Variants in FOXP1 observed in about 807,000 individuals in gnomAD.
FOXP1 encodes forkhead box protein P1.
FOXP1 carries 15 observed loss-of-function variants against 98.2 expected under a neutral mutation model. The ratio of observed to expected loss-of-function variants is 0.15; its 90% CI spans 0.10 to 0.24. The LOEUF (loss-of-function observed/expected upper bound fraction) is 0.24. Ranked by LOEUF, FOXP1 falls within the 10% of genes least tolerant of loss-of-function variation. FOXP1 has a pLI of 1.00. For missense variants in FOXP1, 633 were observed against 848.5 expected (o/e 0.75, Z 3.15); for synonymous variants, 371 against 314.5 (o/e 1.18, Z -1.90).
chr3:70,971,976 A>AG (rs947683716), intron 18 of FOXP1: 2 of 1,340,632 alleles, frequency 1.5e-6, no homozygotes, highest in African/African-American at 3.0e-5. Context: ...AAGCAACAGC[A>AG]GAAAAAAAAA....
In FOXP1 at chr3:71,263,332, G is replaced by C. The variant is rs149556161; in HGVS notation, c.-12+36488C>G. ...GCCTGTGCAACACCACGAAAGCCAG[G>C]AATACCAGTGGCTGCTGAAAGAATA... is the stretch of plus-strand genomic sequence containing the variant. On this transcript the variant is annotated intron_variant, in intron 5 of 20. Transcript: ENST00000649528. Among the ~76,000 whole-genome samples the C allele has an allele frequency of 6.6e-3, 1,001 of 152,298 alleles. 14 individuals are homozygous for C. Among genetic ancestry groups the C allele is most frequent in the African/African-American group, 0.022 (927 of 41,556 alleles).
At chr3:71,121,637 T>C (rs1334216866) in intron 6 of FOXP1, among the ~76,000 whole-genome samples, 2 of 152,186 alleles carry the variant, frequency 1.3e-5, no homozygotes, top group Non-Finnish European at 2.9e-5. Context: ...AGGGATTCCA[T>C]TCAAGCAGTG....
At chr3:71,009,018 T>C (rs2043164178) in intron 12 of FOXP1, among the ~76,000 whole-genome samples, 1 of 151,884 alleles carries the variant, frequency 6.6e-6, no homozygotes, top group Non-Finnish European at 1.5e-5. Flanking sequence ...CTTATTAATC[T>C]GGAGCTGCAG....
intron 3 of FOXP1, among the ~76,000 whole-genome samples, chr3:71,420,550 C>T (rs572869233): frequency 2.7e-4 from 41 of 152,232 alleles, no homozygotes; most frequent in African/African-American, 8.4e-4. Context: ...TACAGATACA[C>T]GCACCTATAA....
At chr3:71,471,849 G>A (rs148673507) in intron 3 of FOXP1, among the ~76,000 whole-genome samples, 1 of 152,238 alleles carries the variant, frequency 6.6e-6, no homozygotes, top group African/African-American at 2.4e-5. Flanking sequence ...ATGTTCTGAT[G>A]ATTCAAAGTG....
intron 5 of FOXP1, among the ~76,000 whole-genome samples, chr3:71,278,095 C>T (rs1390776141): frequency 1.3e-5 from 2 of 152,122 alleles, no homozygotes; most frequent in Non-Finnish European, 2.9e-5. Context: ...GAATGGCTGG[C>T]CCCCTCTCTG....
chr3:71,408,775 C>T (rs940251878), intron 3 of FOXP1, among the ~76,000 whole-genome samples: 19 of 152,180 alleles, frequency 1.2e-4, no homozygotes, highest in African/African-American at 4.6e-4. Context: ...AACCATTCCA[C>T]AGTGCAGCAT....
At chr3:71,578,477 C>T (rs757427107) in intron 2 of FOXP1, among the ~76,000 whole-genome samples, 19 of 152,160 alleles carry the variant, frequency 1.2e-4, no homozygotes, top group Non-Finnish European at 2.6e-4. Flanking sequence ...TACTGTAACA[C>T]CTAACCTTGT....
At chr3:71,143,017 G>A (rs1324133850) in intron 6 of FOXP1, among the ~76,000 whole-genome samples, 2 of 152,122 alleles carry the variant, frequency 1.3e-5, no homozygotes, top group African/African-American at 2.4e-5. Context: ...CACAAGGAAC[G>A]ACATGGTGAC....
intron 9 of FOXP1, among the ~76,000 whole-genome samples, chr3:71,049,233 G>C (rs544321257): frequency 6.6e-6 from 1 of 152,136 alleles, no homozygotes; most frequent in African/African-American, 2.4e-5. Context: ...TCCTTTCTTC[G>C]GCTACTCCCT....
intron 12 of FOXP1, among the ~76,000 whole-genome samples, chr3:71,010,842 C>CA (rs1160623380): frequency 4.0e-5 from 6 of 149,072 alleles, no homozygotes; most frequent in Non-Finnish European, 7.4e-5. Flanking sequence ...CCTCCCCCCC[C>CA]ACCCAGTGAG....
rs568454147 is a variant in FOXP1 at position 71,061,822 on chromosome 3, C to A, written c.283-8049G>T. Among the ~76,000 whole-genome samples, 4 of 152,276 alleles carry A rather than the reference C, an allele frequency of 2.6e-5. No homozygotes were observed. In the South Asian group the frequency reaches 8.3e-4, roughly 32 times the overall value. On this transcript the variant is annotated intron_variant, in intron 7 of 20. Coordinates refer to ENST00000649528, the MANE Select transcript of FOXP1 (RefSeq NM_001349338.3). ...TAATAAAATAAATTCCTCCAACCTT[C>A]GTTTTTGCCAATTCAAATTTTACTC...
intron 7 of FOXP1, among the ~76,000 whole-genome samples, chr3:71,076,693 C>T (rs895142215): frequency 6.6e-6 from 1 of 152,168 alleles, no homozygotes; most frequent in Non-Finnish European, 1.5e-5. Flanking sequence ...TTTCCTATCT[C>T]AAAAATTTAC....
intron 3 of FOXP1, among the ~76,000 whole-genome samples, chr3:71,409,026 A>G (rs181538560): frequency 1.4e-4 from 22 of 152,308 alleles, no homozygotes; most frequent in Admixed American, 7.2e-4. Flanking sequence ...TCCAATCAGG[A>G]AGGAATATGA....
intron 6 of FOXP1, among the ~76,000 whole-genome samples, chr3:71,118,116 G>A (rs1430588440): frequency 1.3e-5 from 2 of 152,076 alleles, no homozygotes; most frequent in African/African-American, 4.8e-5. Flanking sequence ...CATGGTCCAC[G>A]GCCAGCTCTC....
rs1244233840 is a variant in FOXP1, at chr3:70,956,005, TAAATA to T, written c.*3237_*3241del. The T allele has an allele frequency of 4.3e-6, 1 of 233,144 alleles. No individual in the cohort carries two copies. The highest frequency in any genetic ancestry group is 2.2e-5 in the African/African-American group (1 of 45,344). 14.4% of individuals were successfully genotyped at this position (233,144 alleles called of 1,614,324 possible). ...CCAATATTCTTAAAGCAAGGATAAC[TAAATA>T]AAATACATGTGCAGCATATTCTGCA... On this transcript the variant is annotated 3_prime_UTR_variant, in exon 21 of 21. Transcript: ENST00000649528.
intron 5 of FOXP1, among the ~76,000 whole-genome samples, chr3:71,254,428 T>C (rs2068465480): frequency 6.6e-6 from 1 of 152,188 alleles, no homozygotes; most frequent in South Asian, 2.1e-4. Context: ...GCTAAAAAGT[T>C]TTTCCTTATT....
intron 6 of FOXP1, among the ~76,000 whole-genome samples, chr3:71,141,681 T>C (rs1184776543): frequency 6.6e-6 from 1 of 152,162 alleles, no homozygotes; most frequent in African/African-American, 2.4e-5. Context: ...ACCTGGCCCT[T>C]CCCTTTCTGA....
At chr3:71,081,722 TACTC>T (rs2107526445) in intron 7 of FOXP1, among the ~76,000 whole-genome samples, 1 of 152,298 alleles carries the variant, frequency 6.6e-6, no homozygotes, top group Non-Finnish European at 1.5e-5. Flanking sequence ...AACTAAGTAT[TACTC>T]ACCAAAGGCA....
Sources: allele counts gnomAD v4.1 joint callset (sites outside exome capture counted in the v4.1 genomes callset), GRCh38; gene constraint gnomAD v4.1.1; transcripts MANE v1.5; gene names NCBI Gene and HGNC (gene_info 2026-07-23, HGNC 2026-07-21).